The following FZD4 variants were observed in gnomAD, a reference collection of about 807,000 sequenced individuals.
FZD4 encodes the protein frizzled-4.
FZD4 carries 16 observed loss-of-function variants against 37.3 expected under a neutral mutation model. The observed-to-expected ratio is 0.43, with a 90% CI of 0.29 to 0.65. FZD4 has a LOEUF of 0.65. FZD4 is among the 30% of genes least tolerant of loss of function. FZD4 has a pLI of 0.16. For synonymous variants in FZD4, 246 were observed against 254.8 expected (o/e 0.97, Z 0.33); for missense variants, 599 against 674.3 (o/e 0.89, Z 1.24).
rs188015808 is a variant in FZD4 at position 86,950,044 on chromosome 11, T to G, written c.*1098A>C. 1 of 152,322 alleles carries G rather than the reference T, an allele frequency of 6.6e-6. No homozygotes were observed. Among genetic ancestry groups the G allele is most frequent in the Non-Finnish European group, 1.5e-5 (1 of 68,040 alleles). The allele number at this position is 152,322 out of a possible 1,614,324, so 9.4% of individuals were successfully genotyped here. A position where few individuals can be genotyped will look rare whatever the true frequency, so the allele number is the denominator to read the frequency against. ...ATCATTCTGAGAATGCAAGTTGAAG[T>G]TGACCATAGTTTTAAAGTCAGTTGA... On this transcript the variant is annotated 3_prime_UTR_variant, in exon 2 of 2. Transcript: ENST00000531380.
At chr11:86,954,697 T>C in intron 1 of FZD4, 104 bp downstream of exon 1, 27 of 1,455,282 alleles carry the variant, frequency 1.9e-5, no homozygotes, top group Non-Finnish European at 2.4e-5. Context: ...AGGAGAGCTG[T>C]CTCCTTCGGG....
intron 1 of FZD4, among the ~76,000 whole-genome samples, chr11:86,953,118 T>C (rs915839999): frequency 1.3e-5 from 2 of 152,204 alleles, no homozygotes; most frequent in African/African-American, 4.8e-5. Context: ...ATGTAAATGT[T>C]AAGTCGCTGA....
chr11:86,952,513 C>G, intron 1 of FZD4, 43 bp from the exon 2 acceptor site: 2 of 1,601,570 alleles, frequency 1.2e-6, no homozygotes, highest in South Asian at 2.2e-5. Flanking sequence ...AAAACAATGA[C>G]TTGGAAGTTT....
chr11:86,952,504 A>T (rs779172777), intron 1 of FZD4, 34 bp from the exon 2 acceptor site: 1 of 1,604,726 alleles, frequency 6.2e-7, no homozygotes, highest in East Asian at 2.2e-5. Context: ...CACACAAAAA[A>T]AACAATGACT....
rs1162487134 is a variant in FZD4, at chr11:86,951,350, G to A, written c.1406C>T (p.Ala469Val). The change falls in exon 2 of 2, where the codon GCA (alanine) becomes GTA (valine). Residue 469 changes from alanine (A) to valine (V), a missense_variant. Ala to Val is a moderately conservative substitution (Grantham distance 64, BLOSUM62 0). Around this residue, in one of 3 missense-constraint regions of FZD4, gnomAD observed 203 missense variants for 196.8 expected, o/e 1.03. Coordinates refer to ENST00000531380, the MANE Select transcript of FZD4 (RefSeq NM_012193.4). ...TTCAACAGCCATGTTGGAATCATCT[G>A]CAGAATACCGAAAAAGTGCCCAGTT... The part of the protein sequence containing the change: ...ISNWALFRYS[A>V]DDSNMAVEML... 1 of 1,613,464 alleles carries A rather than the reference G, an allele frequency of 6.2e-7. No individual in the cohort carries two copies. Among genetic ancestry groups the A allele is most frequent in the Non-Finnish European group, 8.5e-7 (1 of 1,179,346 alleles).
At position 86,950,973 on chromosome 11, in the gene FZD4, G is replaced by T. The variant is rs1181800990; in HGVS notation, c.*169C>A. The T allele has an allele frequency of 4.2e-6, 3 of 718,418 alleles. No individual in the cohort carries two copies. Among genetic ancestry groups the T allele is most frequent in the Non-Finnish European group, 4.8e-6 (2 of 417,568 alleles). 44.5% of individuals were successfully genotyped at this position (718,418 alleles called of 1,614,324 possible). A position where few individuals can be genotyped will look rare whatever the true frequency, so the allele number is the denominator to read the frequency against. On this transcript the variant is annotated 3_prime_UTR_variant, in exon 2 of 2. Transcript: ENST00000531380. ...TCCAAAGTCTGCAGCAAAATCATTG[G>T]TTTTTTGATGCTGGGGTCGGGGTGG... is the stretch of plus-strand genomic sequence containing the variant.
chr11:86,952,696 A>G (rs978290892), intron 1 of FZD4: 11 of 477,218 alleles, frequency 2.3e-5, no homozygotes, highest in Admixed American at 1.7e-4. Flanking sequence ...TTCCAGAAGA[A>G]TGTACATAAA....
In FZD4 at chr11:86,947,254, C is replaced by T. The variant is rs541479825; in HGVS notation, c.*3888G>A. 5.3e-5 allele frequency: 9 copies of T among 169,692 alleles called. No individual in the cohort carries two copies. The East Asian group carries it at 1.4e-3, about 26-fold the overall frequency. The allele number at this position is 169,692 out of a possible 1,614,324, so 10.5% of individuals were successfully genotyped here. A position where few individuals can be genotyped will look rare whatever the true frequency, so the allele number is the denominator to read the frequency against. On this transcript the variant is annotated 3_prime_UTR_variant, in exon 2 of 2. Transcript: ENST00000531380. ...ACAAACAACAAAAAAAAGGTTCCTT[C>T]CAAAGTCTGTGCTCAATGGCTCCCT...
At chr11:86,952,550 T>G in intron 1 of FZD4, 80 bp from the exon 2 acceptor site, 1 of 1,508,018 alleles carries the variant, frequency 6.6e-7, no homozygotes, top group Non-Finnish European at 9.1e-7. Context: ...AAAGCTGAGT[T>G]GAATGCTTCC....
At position 86,950,828 on chromosome 11, in the gene FZD4, T is replaced by A; in HGVS notation, c.*314A>T. On this transcript the variant is annotated 3_prime_UTR_variant, in exon 2 of 2. Coordinates refer to ENST00000531380, the MANE Select transcript of FZD4 (RefSeq NM_012193.4). ...CCTGCAGGGGAAAACAGTATCGCCC[T>A]GGACTTCCTGGAATCTAGGCAGGAC... The A allele has an allele frequency of 2.3e-6, 1 of 438,800 alleles. No individual in the cohort carries two copies. Among genetic ancestry groups the A allele is most frequent in the South Asian group, 2.3e-5 (1 of 43,844 alleles). The allele number at this position is 438,800 out of a possible 1,614,324, so 27.2% of individuals were successfully genotyped here. A position where few individuals can be genotyped will look rare whatever the true frequency, so the allele number is the denominator to read the frequency against.
At position 86,951,275 on chromosome 11, in the gene FZD4, C is replaced by T; in HGVS notation, c.1481G>A (p.Trp494Ter). ...GTGAAGAGTTTTGGCAGACCAAATCCACATGCCTGAAGTGATGCCCACCAA... is the reference window on the plus strand; with the variant it reads ...GTGAAGAGTTTTGGCAGACCAAATCTACATGCCTGAAGTGATGCCCACCAA... The part of the protein sequence containing the change: ...SLLVGITSGM[W>*]IWSAKTLHTW... Residue 494 changes from tryptophan (W) to a stop codon, truncating the protein, a stop_gained, in exon 2 of 2, where the codon TGG (tryptophan) becomes TAG (stop). Coordinates refer to ENST00000531380, the MANE Select transcript of FZD4 (RefSeq NM_012193.4). LOFTEE classifies it high-confidence loss of function. The T allele has an allele frequency of 6.2e-7, 1 of 1,614,188 alleles. No individual in the cohort carries two copies. Among genetic ancestry groups the T allele is most frequent in the East Asian group, 2.2e-5 (1 of 44,882 alleles).
At chr11:86,953,212 A>G (rs143269985) in intron 1 of FZD4, among the ~76,000 whole-genome samples, 1 of 152,246 alleles carries the variant, frequency 6.6e-6, no homozygotes, top group East Asian at 1.9e-4. Context: ...CTCCTTACAG[A>G]TGTTGTCTAT....
intron 1 of FZD4, chr11:86,954,427 T>C: frequency 1.0e-6 from 1 of 985,074 alleles, no homozygotes; most frequent in Non-Finnish European, 1.2e-6. Context: ...TGAAGGATGG[T>C]CTCCTTATCA....
In FZD4 at chr11:86,954,794, C is replaced by A. The variant is rs1369656498; in HGVS notation, c.285+7G>T. ...GTCCCGCCAGGGGTGGGGGTGGGGG[C>A]GCCCACCTGCAGCTGGCTGGAGCAG... On this transcript the variant is annotated splice_region_variant and intron_variant, in intron 1 of 1. Coordinates refer to ENST00000531380, the MANE Select transcript of FZD4 (RefSeq NM_012193.4). The A allele has an allele frequency of 2.5e-6, 4 of 1,597,698 alleles. No individual in the cohort carries two copies. The highest frequency in any genetic ancestry group is 3.4e-6 in the Non-Finnish European group (4 of 1,172,574).
rs1009682639 is a variant in FZD4, at chr11:86,951,075, T to A, written c.*67A>T. 2.6e-6 allele frequency: 4 copies of A among 1,543,972 alleles called. No individual in the cohort carries two copies. The highest frequency in any genetic ancestry group is 3.6e-6 in the Non-Finnish European group (4 of 1,116,690). ...GAGATTCACTGCATAAAACTTTTAG[T>A]AGAATTTCCTCCAAAATGCTGGCAT... is the stretch of plus-strand genomic sequence containing the variant. On this transcript the variant is annotated 3_prime_UTR_variant, in exon 2 of 2. Transcript: ENST00000531380.
rs934333752 is a variant in FZD4, at chr11:86,948,624, A to G, written c.*2518T>C. On this transcript the variant is annotated 3_prime_UTR_variant, in exon 2 of 2. Transcript: ENST00000531380. ...AAGGCAAGAGATTTGTGGAAAAGGC[A>G]TGTCAAAACCCAAAGCATTGTCAAA... The G allele has an allele frequency of 6.6e-6, 1 of 152,242 alleles. No individual in the cohort carries two copies. Among genetic ancestry groups the G allele is most frequent in the Non-Finnish European group, 1.5e-5 (1 of 68,038 alleles). 9.4% of individuals were successfully genotyped at this position (152,242 alleles called of 1,614,324 possible).
At chr11:86,952,571 G>T in intron 1 of FZD4, 101 bp from the exon 2 acceptor site, 1 of 1,341,560 alleles carries the variant, frequency 7.5e-7, no homozygotes, top group Non-Finnish European at 1.1e-6. Flanking sequence ...AGGCAATCTA[G>T]GTATCTACTT....
At position 86,948,771 on chromosome 11, in the gene FZD4, T is replaced by A. The variant is rs1030732443; in HGVS notation, c.*2371A>T. ...ACCTACTCCATGCCTGGCTTTCTGC[T>A]AGATGCTGCCTTGGTCACACAATCA... On this transcript the variant is annotated 3_prime_UTR_variant, in exon 2 of 2. Coordinates refer to ENST00000531380, the MANE Select transcript of FZD4 (RefSeq NM_012193.4). The A allele has an allele frequency of 1.3e-5, 2 of 152,440 alleles. No individual in the cohort carries two copies. Among genetic ancestry groups the A allele is most frequent in the African/African-American group, 4.8e-5 (2 of 41,474 alleles). 9.4% of individuals were successfully genotyped at this position (152,440 alleles called of 1,614,324 possible).
chr11:86,954,282 C>G, intron 1 of FZD4: 1 of 985,068 alleles, frequency 1.0e-6, no homozygotes, highest in Non-Finnish European at 1.2e-6. Context: ...AGAACTCAAG[C>G]CAACCCAACC....
Sources: gnomAD v4.1 joint callset for allele counts (sites outside exome capture counted in the v4.1 genomes callset) on GRCh38, gnomAD v4.1.1 for gene constraint, gnomAD v4.1.1 regional missense constraint, MANE v1.5 for transcripts, NCBI Gene and HGNC (gene_info 2026-07-23, HGNC 2026-07-21) for gene names.